The following KSR2 variants were observed in gnomAD, a reference collection of about 807,000 sequenced individuals.
The protein encoded by KSR2 is kinase suppressor of ras 2.
A neutral mutation model predicts 107.8 loss-of-function variants in KSR2; 25 were observed. That is an observed-to-expected ratio of 0.23 (90% confidence interval 0.17 to 0.32). The LOEUF is 0.32. KSR2 is among the 10% of genes least tolerant of loss of function. KSR2 has a pLI of 1.00. For synonymous variants in KSR2, 480 were observed against 507.0 expected (o/e 0.95, Z 0.71); for missense variants, 887 against 1,268.9 (o/e 0.70, Z 4.57).
Position 117,469,743 on chromosome 12 carries a change from G to C in KSR2, c.2765C>G (p.Thr922Ser). ...TTTCTCCAGCATGTCCATGAGCTTG[G>C]TGAAGGTAGGTCTCTCTTCTTGTTC... ...AFEQEERPTF[T>S]KLMDMLEKLP... The change falls in exon 19 of 20, where the codon ACC (threonine) becomes AGC (serine). Residue 922 changes from threonine to serine, a missense_variant. Thr to Ser is a moderately conservative substitution (Grantham distance 58, BLOSUM62 1). This residue lies in a region of KSR2 where 308 missense variants were observed against 506.2 expected (regional missense o/e 0.61). Transcript: ENST00000339824. The C allele has an allele frequency of 6.2e-7, 1 of 1,613,880 alleles. No homozygotes were observed. Among genetic ancestry groups the C allele is most frequent in the South Asian group, 1.1e-5 (1 of 91,016 alleles).
intron 17 of KSR2, among the ~76,000 whole-genome samples, chr12:117,475,338 C>T (rs967693158): frequency 6.6e-6 from 1 of 152,186 alleles, no homozygotes; most frequent in African/African-American, 2.4e-5. Flanking sequence ...CCACCCCCAG[C>T]CTAATTTTTT....
intron 4 of KSR2, among the ~76,000 whole-genome samples, chr12:117,749,986 G>A (rs1377903902): frequency 1.3e-5 from 2 of 152,110 alleles, no homozygotes; most frequent in African/African-American, 2.4e-5. Context: ...AATGGCTGAC[G>A]CCTGTAATCC....
chr12:117,598,060 T>C (rs1880743952), intron 5 of KSR2, among the ~76,000 whole-genome samples: 1 of 152,170 alleles, frequency 6.6e-6, no homozygotes, highest in Non-Finnish European at 1.5e-5. Context: ...TTAATGGTGA[T>C]TTCTAGAATT....
chr12:117,634,876 G>T (rs1882988275), intron 5 of KSR2, among the ~76,000 whole-genome samples: 1 of 152,208 alleles, frequency 6.6e-6, no homozygotes, highest in South Asian at 2.1e-4. Flanking sequence ...CCACCCCAAA[G>T]ATGGAGATGT....
intron 4 of KSR2, among the ~76,000 whole-genome samples, chr12:117,718,346 G>T (rs1041090118): frequency 6.6e-6 from 1 of 152,192 alleles, no homozygotes; most frequent in African/African-American, 2.4e-5. Context: ...CACTGTCCAT[G>T]GAAGGAAAGA....
chr12:117,744,951 A>C (rs1888352820), intron 4 of KSR2, among the ~76,000 whole-genome samples: 1 of 152,202 alleles, frequency 6.6e-6, no homozygotes, highest in Admixed American at 6.5e-5. Flanking sequence ...GATGATTGGC[A>C]GCACTAATTT....
At chr12:117,520,629 A>T (rs1458569294) in intron 14 of KSR2, among the ~76,000 whole-genome samples, 1 of 152,050 alleles carries the variant, frequency 6.6e-6, no homozygotes, top group Non-Finnish European at 1.5e-5. Flanking sequence ...ATTTCCTTAA[A>T]CTGTCGTTGC....
chr12:117,901,223 C>A (rs755580504), intron 1 of KSR2, among the ~76,000 whole-genome samples: 1 of 151,730 alleles, frequency 6.6e-6, no homozygotes, highest in Non-Finnish European at 1.5e-5. Flanking sequence ...ATAAAGTAGA[C>A]AATAAACATA....
intron 3 of KSR2, among the ~76,000 whole-genome samples, chr12:117,848,908 G>A (rs1892818617): frequency 1.3e-5 from 2 of 149,828 alleles, no homozygotes; most frequent in Admixed American, 1.3e-4. Context: ...GTGGTGATTT[G>A]CCTGTATCAT....
Position 117,582,300 on chromosome 12 carries a change from T to C in KSR2, c.1231A>G (p.Ile411Val). The change falls in exon 6 of 20, where the codon ATC becomes GTC. Residue 411 changes from isoleucine to valine, a missense_variant. By Grantham distance (29) the Ile-to-Val change is conservative. This residue lies in a region of KSR2 where 399 missense variants were observed against 479.5 expected (regional missense o/e 0.83). Coordinates refer to ENST00000339824, the MANE Select transcript of KSR2 (RefSeq NM_173598.6). ...AGGAATCCAGCCTACCTGTGCTTGA[T>C]GGAGTTGCCGAGATCTCTGCGAGGG... is the stretch of plus-strand genomic sequence containing the variant. ...QIPRRDLGNS[I>V]KHRFSTKYWM... 1 of 1,613,734 alleles carries C rather than the reference T, an allele frequency of 6.2e-7. No homozygotes were observed. The highest frequency in any genetic ancestry group is 8.5e-7 in the Non-Finnish European group (1 of 1,179,744).
rs7976115 is a variant in KSR2, at chr12:117,588,855, T to A, written c.1172-6496A>T. Among the ~76,000 whole-genome samples, 520 of 152,370 alleles carry A rather than the reference T, an allele frequency of 3.4e-3. 2 individuals carry two copies. Among genetic ancestry groups the A allele is most frequent in the African/African-American group, 0.012 (489 of 41,592 alleles). On this transcript the variant is annotated intron_variant, in intron 5 of 19. Transcript: ENST00000339824. ...AAATATCAGTGCCCACTGTACCTCA[T>A]TGTGTTGTTTGAAGACTAAGTGGGA...
chr12:117,783,419 T>C (rs139824247), intron 3 of KSR2, among the ~76,000 whole-genome samples: 3 of 152,320 alleles, frequency 2.0e-5, no homozygotes, highest in African/African-American at 7.2e-5. Flanking sequence ...GAGCCTCTGT[T>C]TCCTCATCTG....
At chr12:117,873,989 T>G (rs1304033343) in intron 1 of KSR2, among the ~76,000 whole-genome samples, 3 of 152,248 alleles carry the variant, frequency 2.0e-5, no homozygotes, top group Non-Finnish European at 4.4e-5. Flanking sequence ...GGATGTTGTT[T>G]GCGTTTTTTT....
intron 3 of KSR2, among the ~76,000 whole-genome samples, chr12:117,840,197 A>C (rs1355872851): frequency 6.6e-6 from 1 of 151,624 alleles, no homozygotes; most frequent in Non-Finnish European, 1.5e-5. Context: ...TCCAGGGTTC[A>C]AGCCATTCTC....
chr12:117,478,274 T>A (rs1592910473), intron 16 of KSR2, among the ~76,000 whole-genome samples: 1 of 152,160 alleles, frequency 6.6e-6, no homozygotes. Context: ...TTTTGCCATA[T>A]CTAAATACCT....
At chr12:117,517,422 T>C (rs1444441556) in intron 14 of KSR2, among the ~76,000 whole-genome samples, 3 of 152,240 alleles carry the variant, frequency 2.0e-5, no homozygotes, top group Admixed American at 6.5e-5. Flanking sequence ...AAACAAGTCA[T>C]TCACTTGTGT....
intron 14 of KSR2, among the ~76,000 whole-genome samples, chr12:117,502,486 G>A (rs1164978873): frequency 6.6e-6 from 1 of 152,118 alleles, no homozygotes; most frequent in African/African-American, 2.4e-5. Flanking sequence ...TTGCCTAGGG[G>A]TGGGGAAAGT....
intron 8 of KSR2, 50 bp downstream of exon 8, chr12:117,558,456 G>A: frequency 6.7e-7 from 1 of 1,486,498 alleles, no homozygotes; most frequent in African/African-American, 1.4e-5. Context: ...GGGACCTGCA[G>A]GAGCCCCACC....
chr12:117,612,232 C>T (rs1269784029), intron 5 of KSR2, among the ~76,000 whole-genome samples: 15 of 151,932 alleles, frequency 9.9e-5, no homozygotes, highest in Non-Finnish European at 2.1e-4. Flanking sequence ...GGTGAAACCT[C>T]GTTTCTACTG....
Sources: allele counts gnomAD v4.1 joint callset (sites outside exome capture counted in the v4.1 genomes callset), GRCh38; gene constraint gnomAD v4.1.1; regional missense constraint gnomAD v4.1.1; transcripts MANE v1.5; gene names NCBI Gene and HGNC (gene_info 2026-07-23, HGNC 2026-07-21).